CLASP1: variants seen among roughly 807,000 people sequenced by gnomAD.
The protein encoded by CLASP1 is cytoplasmic linker associated protein 1, also known as CLIP-associating protein 1.
CLASP1 carries 38 observed loss-of-function variants against 192.3 expected under a neutral mutation model. That is an observed-to-expected ratio of 0.20 (90% CI 0.15 to 0.26). The LOEUF (loss-of-function observed/expected upper bound fraction) is 0.26. Among genes scored for constraint, CLASP1 ranks in the 10% least tolerant of loss-of-function variants. CLASP1 has a pLI of 1.00. For missense variants in CLASP1, 1,433 were observed against 1,932.5 expected (o/e 0.74, Z 4.85); for synonymous variants, 691 against 712.8 (o/e 0.97, Z 0.49).
intron 2 of CLASP1, among the ~76,000 whole-genome samples, chr2:121,555,968 C>G (rs926839794): frequency 7.3e-6 from 1 of 136,522 alleles, no homozygotes; most frequent in Non-Finnish European, 1.5e-5. Flanking sequence ...TGAGCCACGG[C>G]GCCTGCCCCC....
chr2:121,512,823 T>C (rs146271107), intron 7 of CLASP1, among the ~76,000 whole-genome samples: 31 of 152,370 alleles, frequency 2.0e-4, no homozygotes, highest in Admixed American at 9.1e-4. Flanking sequence ...CTTAGAGATA[T>C]AATTAATCGT....
chr2:121,410,633 G>GA (rs2077571043), intron 24 of CLASP1, among the ~76,000 whole-genome samples: 1 of 152,142 alleles, frequency 6.6e-6, no homozygotes, highest in Non-Finnish European at 1.5e-5. Context: ...GCACAGATAA[G>GA]AAATACTTGA....
intron 39 of CLASP1, among the ~76,000 whole-genome samples, chr2:121,343,106 C>T (rs969635925): frequency 1.3e-5 from 2 of 152,198 alleles, no homozygotes; most frequent in Non-Finnish European, 1.5e-5. Context: ...AAAGGATCAT[C>T]TTTTTAACAG....
At chr2:121,641,078 G>T (rs1277294663) in intron 1 of CLASP1, among the ~76,000 whole-genome samples, 3 of 152,190 alleles carry the variant, frequency 2.0e-5, no homozygotes, top group African/African-American at 4.8e-5. Context: ...TTTTTATGCA[G>T]TTCAAGTCTC....
At chr2:121,427,530 T>TGTTG in intron 20 of CLASP1, 100 bp from the exon 21 acceptor site, 1 of 1,243,528 alleles carries the variant, frequency 8.0e-7, no homozygotes, top group Non-Finnish European at 1.2e-6. Context: ...AAGGTCTTTG[T>TGTTG]TCACAAATAC....
At chr2:121,627,920 T>C (rs1204904041) in intron 1 of CLASP1, among the ~76,000 whole-genome samples, 1 of 152,200 alleles carries the variant, frequency 6.6e-6, no homozygotes, top group Non-Finnish European at 1.5e-5. Flanking sequence ...GACAATTTCA[T>C]ATACTATCAA....
intron 8 of CLASP1, among the ~76,000 whole-genome samples, chr2:121,496,786 G>A (rs534542174): frequency 6.6e-6 from 1 of 152,154 alleles, no homozygotes; most frequent in Admixed American, 6.5e-5. Context: ...TGGGGTAGAG[G>A]GTGCCTGCCC....
Position 121,574,227 on chromosome 2 carries a change from C to T in CLASP1, c.195+31474G>A, listed in dbSNP as rs566585851. 5.3e-5 allele frequency among the ~76,000 whole-genome samples: 8 copies of T among 151,740 alleles called. No homozygotes were observed. The East Asian group carries it at 1.5e-3, about 29-fold the overall frequency. The stretch of plus-strand genomic sequence containing the variant: ...CCTATAGTCCCAGTTACTCGGGAGG[C>T]TGAGTCAGGAGAATGGCATGAACCC... On this transcript the variant is annotated intron_variant, in intron 2 of 39. Coordinates refer to ENST00000263710, the Ensembl canonical transcript of CLASP1.
intron 23 of CLASP1, among the ~76,000 whole-genome samples, chr2:121,415,122 T>C (rs2078348989): frequency 6.6e-6 from 1 of 152,202 alleles, no homozygotes. Context: ...TGAATTTAGC[T>C]GTATTAAGTT....
intron 1 of CLASP1, among the ~76,000 whole-genome samples, chr2:121,641,659 C>T (rs2072108015): frequency 6.6e-6 from 1 of 152,138 alleles, no homozygotes; most frequent in Non-Finnish European, 1.5e-5. Flanking sequence ...CTCATGATTG[C>T]TTATTCTTTT....
chr2:121,474,300 C>T (rs1469305041), intron 8 of CLASP1, among the ~76,000 whole-genome samples: 1 of 152,120 alleles, frequency 6.6e-6, no homozygotes, highest in African/African-American at 2.4e-5. Context: ...GGTTCCATTT[C>T]CATCCTCAAA....
rs185603892 is a variant in CLASP1 at position 121,544,866 on chromosome 2, G to C, written c.196-14541C>G. Among the ~76,000 whole-genome samples, 511 of 151,840 alleles carry C rather than the reference G, an allele frequency of 3.4e-3. 2 individuals carry two copies. Among genetic ancestry groups the C allele is most frequent in the African/African-American group, 0.011 (441 of 41,436 alleles). On this transcript the variant is annotated intron_variant, in intron 2 of 39. Coordinates refer to ENST00000263710, the Ensembl canonical transcript of CLASP1. Reference sequence around the variant, plus strand: ...AAAAGGGATTCTCAGAATGATGGCAGGGCACCTAATTTTTTCTTTCTTTTT... The same window carrying C: ...AAAAGGGATTCTCAGAATGATGGCACGGCACCTAATTTTTTCTTTCTTTTT...
intron 17 of CLASP1, 116 bp from the exon 18 acceptor site, chr2:121,448,441 T>C: frequency 3.0e-6 from 3 of 987,658 alleles, no homozygotes; most frequent in Non-Finnish European, 4.6e-6. Context: ...TCAGAATTTT[T>C]TGGGCAATGT....
intron 36 of CLASP1, among the ~76,000 whole-genome samples, chr2:121,363,843 G>A (rs975383616): frequency 1.3e-5 from 2 of 152,070 alleles, no homozygotes; most frequent in Non-Finnish European, 2.9e-5. Context: ...CCAGAGTCAC[G>A]CATCTGGAGG....
intron 8 of CLASP1, among the ~76,000 whole-genome samples, chr2:121,494,088 C>T (rs746268950): frequency 3.9e-5 from 6 of 152,186 alleles, no homozygotes; most frequent in Non-Finnish European, 5.9e-5. Flanking sequence ...TCCAGCAATC[C>T]CACTGCTAGG....
rs77516008 is a variant in CLASP1 at position 121,530,920 on chromosome 2, G to A, written c.196-595C>T. On this transcript the variant is annotated intron_variant, in intron 2 of 39. Coordinates refer to ENST00000263710, the Ensembl canonical transcript of CLASP1. ...GGGGTTGCGCTACTGTCCAATGAGCGCATAGTGAGGGCAGTACTGCTAACG... is the reference window on the plus strand; with the variant it reads ...GGGGTTGCGCTACTGTCCAATGAGCACATAGTGAGGGCAGTACTGCTAACG... 397 of 699,694 alleles carry A rather than the reference G, an allele frequency of 5.7e-4. No individual in the cohort carries two copies. The highest frequency in any genetic ancestry group is 5.6e-3 in the African/African-American group (318 of 57,276). The allele number at this position is 699,694 out of a possible 1,614,324, so 43.3% of individuals were successfully genotyped here. A position where few individuals can be genotyped will look rare whatever the true frequency, so the allele number is the denominator to read the frequency against.
At chr2:121,430,013 C>T (rs1016837585) in intron 20 of CLASP1, 60 bp downstream of exon 20, 3 of 1,279,654 alleles carry the variant, frequency 2.3e-6, no homozygotes, top group Non-Finnish European at 3.3e-6. Flanking sequence ...AAATGTTCAA[C>T]TGCAGAATGA....
intron 7 of CLASP1, among the ~76,000 whole-genome samples, chr2:121,510,541 T>C (rs538378323): frequency 3.7e-4 from 56 of 152,168 alleles, no homozygotes; most frequent in African/African-American, 1.3e-3. Flanking sequence ...GAAATTGAAT[T>C]AGTGACCCCT....
chr2:121,618,201 C>A (rs1222553028), intron 1 of CLASP1, among the ~76,000 whole-genome samples: 1 of 152,196 alleles, frequency 6.6e-6, no homozygotes, highest in Non-Finnish European at 1.5e-5. Context: ...ATATTTTGTT[C>A]ACCTAATGCC....
Sources: gnomAD v4.1 joint callset for allele counts (sites outside exome capture counted in the v4.1 genomes callset) on GRCh38, gnomAD v4.1.1 for gene constraint, MANE v1.5 for transcripts, NCBI Gene and HGNC (gene_info 2026-07-23, HGNC 2026-07-21) for gene names.